The following ZNF106 variants were observed in gnomAD, a reference collection of about 807,000 sequenced individuals.
ZNF106 encodes the protein zinc finger protein 106.
In ZNF106, 67 loss-of-function variants were observed where a neutral mutation model predicts 195.1. The observed-to-expected ratio is 0.34, with a 90% CI of 0.28 to 0.42. The LOEUF is 0.42. Among genes scored for constraint, ZNF106 ranks in the 10% least tolerant of loss-of-function variants. ZNF106 has a pLI of 1.00. For missense variants in ZNF106, 2,118 were observed against 2,304.5 expected, an observed-to-expected ratio of 0.92 and a Z score of 1.66; for synonymous variants, 784 against 818.6, an observed-to-expected ratio of 0.96 and a Z score of 0.72.
At chr15:42,457,836 A>T (rs985416271) in intron 3 of ZNF106, among the ~76,000 whole-genome samples, 1 of 152,232 alleles carries the variant, frequency 6.6e-6, no homozygotes, top group Non-Finnish European at 1.5e-5. Context: ...TGTTTTCTCA[A>T]GTTTCAGAAA....
At chr15:42,419,063 C>CAA (rs367772491) in intron 20 of ZNF106, among the ~76,000 whole-genome samples, 11,450 of 105,558 alleles carry the variant, frequency 0.11, 991 homozygotes, top group African/African-American at 0.23. Flanking sequence ...CTTTCTCTAC[C>CAA]AAAAAAAAAA....
intron 13 of ZNF106, among the ~76,000 whole-genome samples, chr15:42,436,340 A>G (rs2055273009): frequency 6.6e-6 from 1 of 152,188 alleles, no homozygotes; most frequent in Non-Finnish European, 1.5e-5. Context: ...ATACATACAC[A>G]TACATATTTT....
At chr15:42,441,843 C>A in intron 10 of ZNF106, 1 of 359,026 alleles carries the variant, frequency 2.8e-6, no homozygotes, top group South Asian at 7.6e-5. Context: ...AATACAAAGT[C>A]AACTCTAACC....
intron 1 of ZNF106, among the ~76,000 whole-genome samples, chr15:42,484,995 C>CA (rs1166995507): frequency 3.4e-4 from 51 of 148,708 alleles, no homozygotes; most frequent in Middle Eastern, 3.4e-3. Context: ...CCCGTTTCTA[C>CA]AAAAAAAAAA....
At chr15:42,447,206 C>CT (rs2055806090) in intron 6 of ZNF106, among the ~76,000 whole-genome samples, 2 of 152,254 alleles carry the variant, frequency 1.3e-5, no homozygotes, top group South Asian at 4.1e-4. Context: ...AACTACTATG[C>CT]TTATCACCTC....
chr15:42,489,093 A>AACACACACAC lies in ZNF106; in HGVS notation c.-33+1877_-33+1886dup, dbSNP rs368303436. Among the ~76,000 whole-genome samples, 3 of 142,474 alleles carry AACACACACAC rather than the reference A, an allele frequency of 2.1e-5. No individual in the cohort carries two copies. In the East Asian group the frequency reaches 6.1e-4, roughly 29 times the overall value. The allele number at this position is 142,474 out of a possible 152,430, so 93.5% of individuals were successfully genotyped here. A position where few individuals can be genotyped will look rare whatever the true frequency, so the allele number is the denominator to read the frequency against. On this transcript the variant is annotated intron_variant, in intron 1 of 21. Coordinates refer to ENST00000564754, the MANE Select transcript of ZNF106 (RefSeq NM_001366845.3). ...GCTCTCTCTAAAAAAAAAAAAAAAC[A>AACACACACAC]ACACACACACACACACACACACACA...
rs375220087 is a variant in ZNF106, at chr15:42,448,520, A to G, written c.2687T>C (p.Val896Ala). The G allele has an allele frequency of 1.9e-6, 3 of 1,613,914 alleles. No individual in the cohort carries two copies. The highest frequency in any genetic ancestry group is 4.5e-5 in the East Asian group (2 of 44,886). ...SSVIMDRAPS[V>A]YSFFSEEGTG... Reference sequence around the variant, plus strand: ...ACCTTCCTCACTGAAGAAGCTATACACAGAAGGAGCTCTGTCCATGATCAC... The same window carrying G: ...ACCTTCCTCACTGAAGAAGCTATACGCAGAAGGAGCTCTGTCCATGATCAC... Residue 896 changes from valine (V) to alanine (A), a missense_variant, in exon 6 of 22, where the codon GTG becomes GCG. Coordinates refer to ENST00000564754, the MANE Select transcript of ZNF106 (RefSeq NM_001366845.3).
chr15:42,445,557 C>T (rs2055742196), intron 7 of ZNF106, among the ~76,000 whole-genome samples: 1 of 152,218 alleles, frequency 6.6e-6, no homozygotes. Flanking sequence ...GCCAGGACCT[C>T]TCCCTTAAGC....
In ZNF106 at chr15:42,450,567, C is replaced by T. The variant is rs1401120977; in HGVS notation, c.1705G>A (p.Glu569Lys). ...CTAAGAAGTGGATTTTGCAATGACTCATGACACTGTAGCACCTCTTTGGCC... is the reference window on the plus strand; with the variant it reads ...CTAAGAAGTGGATTTTGCAATGACTTATGACACTGTAGCACCTCTTTGGCC... ...RKAKEVLQCH[E>K]SLQNPLLSTS... The change falls in exon 5 of 22, where the codon GAG becomes AAG. Residue 569 changes from glutamate to lysine, a missense_variant. Coordinates refer to ENST00000564754, the MANE Select transcript of ZNF106 (RefSeq NM_001366845.3). The T allele has an allele frequency of 1.9e-6, 3 of 1,614,074 alleles. No homozygotes were observed. The highest frequency in any genetic ancestry group is 8.5e-7 in the Non-Finnish European group (1 of 1,180,046).
At position 42,442,484 on chromosome 15, in the gene ZNF106, A is replaced by C. The variant is rs528594245; in HGVS notation, c.3422-70T>G. ...TGAAAAGTCATTTGTGTCTGAGCTA[A>C]TTTGTATTTTTAAACATTAGAAAAG... On this transcript the variant is annotated intron_variant, in intron 9 of 21. Transcript: ENST00000564754. 20 of 1,335,366 alleles carry C rather than the reference A, an allele frequency of 1.5e-5. No individual in the cohort carries two copies. In the South Asian group the frequency reaches 2.9e-4, roughly 19 times the overall value. The allele number at this position is 1,335,366 out of a possible 1,614,324, so 82.7% of individuals were successfully genotyped here.
At chr15:42,419,442 C>T (rs963257519) in intron 20 of ZNF106, among the ~76,000 whole-genome samples, 9 of 151,812 alleles carry the variant, frequency 5.9e-5, no homozygotes, top group Non-Finnish European at 1.2e-4. Flanking sequence ...CCAGGGAGGC[C>T]GAGGTAGGGT....
rs956189303 is a variant in ZNF106, at chr15:42,416,454, G to C, written c.*850C>G. ...CCAAAAGGGTTCAAACCAACATTAG[G>C]CTTGCAGGGTCAGACACTAGAAAGG... On this transcript the variant is annotated 3_prime_UTR_variant, in exon 22 of 22. Transcript: ENST00000564754. 1 of 152,292 alleles carries C rather than the reference G, an allele frequency of 6.6e-6. No individual in the cohort carries two copies. Among genetic ancestry groups the C allele is most frequent in the Admixed American group, 6.5e-5 (1 of 15,290 alleles). The allele number at this position is 152,292 out of a possible 1,614,324, so 9.4% of individuals were successfully genotyped here. A position where few individuals can be genotyped will look rare whatever the true frequency, so the allele number is the denominator to read the frequency against.
At chr15:42,468,134 G>A (rs565807562) in intron 2 of ZNF106, among the ~76,000 whole-genome samples, 6 of 144,972 alleles carry the variant, frequency 4.1e-5, no homozygotes, top group Admixed American at 6.9e-5. Flanking sequence ...GGAGAGCAGC[G>A]GCTCGATCTC....
chr15:42,481,525 A>AT (rs2056901548), intron 1 of ZNF106, among the ~76,000 whole-genome samples: 2 of 151,312 alleles, frequency 1.3e-5, no homozygotes, highest in Admixed American at 6.6e-5. Flanking sequence ...TGCCTGGCTA[A>AT]TTTTTTTTAT....
At chr15:42,438,218 C>T (rs998511411) in intron 12 of ZNF106, among the ~76,000 whole-genome samples, 6 of 152,056 alleles carry the variant, frequency 3.9e-5, no homozygotes, top group African/African-American at 1.4e-4. Context: ...GAAACCCTGT[C>T]TCTACTAAAA....
chr15:42,449,376 T>C (rs2055897126), intron 5 of ZNF106, among the ~76,000 whole-genome samples: 1 of 152,238 alleles, frequency 6.6e-6, no homozygotes, highest in East Asian at 1.9e-4. Flanking sequence ...TAAAAGGTAA[T>C]GAGAACAGTT....
In ZNF106 at chr15:42,456,966, T is replaced by C; in HGVS notation, c.309A>G (p.Glu103=). The C allele has an allele frequency of 6.2e-7, 1 of 1,612,714 alleles. No homozygotes were observed. Among genetic ancestry groups the C allele is most frequent in the Non-Finnish European group, 8.5e-7 (1 of 1,179,326 alleles). Residue 103 remains glutamate (E), a synonymous_variant, in exon 4 of 22, where the codon GAA becomes GAG. Transcript: ENST00000564754. Reference sequence around the variant, plus strand: ...AAAAATCAATTACTTACCGACTTTGTTCTTTCCTTTGTTTTATTAACTGAA... The same window carrying C: ...AAAAATCAATTACTTACCGACTTTGCTCTTTCCTTTGTTTTATTAACTGAA... ...ELIQLIKQRK[E]QSRQDEPSNS...
intron 3 of ZNF106, among the ~76,000 whole-genome samples, chr15:42,464,785 C>T (rs1210960652): frequency 6.6e-6 from 1 of 152,024 alleles, no homozygotes; most frequent in Non-Finnish European, 1.5e-5. Context: ...TGCAATAATC[C>T]TCACATCTCA....
intron 14 of ZNF106, among the ~76,000 whole-genome samples, chr15:42,428,432 TAA>T (rs2054933474): frequency 6.6e-6 from 1 of 152,174 alleles, no homozygotes; most frequent in African/African-American, 2.4e-5. Context: ...CCTCTTAAAT[TAA>T]GAGGCCAAAT....
Sources: allele counts gnomAD v4.1 joint callset (sites outside exome capture counted in the v4.1 genomes callset), GRCh38; gene constraint gnomAD v4.1.1; transcripts MANE v1.5; gene names NCBI Gene and HGNC (gene_info 2026-07-23, HGNC 2026-07-21).